ENTREP2: variants seen among roughly 807,000 people sequenced by gnomAD.
The protein encoded by ENTREP2 is endosomal transmembrane epsin interactor 2.
At chr15:29,493,591 A>C in the ENTREP2 span, among the ~76,000 whole-genome samples, 2 of 108,762 alleles carry the variant, frequency 1.8e-5, no homozygotes, top group African/African-American at 5.0e-5. Flanking sequence ...CACTCCAGCC[A>C]GTGTGCAGAG....
At chr15:29,150,638 G>C in the ENTREP2 span, among the ~76,000 whole-genome samples, 21 of 152,172 alleles carry the variant, frequency 1.4e-4, no homozygotes, top group Admixed American at 2.6e-4. Context: ...GGGCAGCCTG[G>C]CTGTGACAGC....
At chr15:29,326,038 A>T in the ENTREP2 span, among the ~76,000 whole-genome samples, 1 of 152,150 alleles carries the variant, frequency 6.6e-6, no homozygotes, top group Non-Finnish European at 1.5e-5. Flanking sequence ...TCTAACACTC[A>T]TTTATGAAAG....
At chr15:29,227,377 T>C in the ENTREP2 span, among the ~76,000 whole-genome samples, 2 of 152,034 alleles carry the variant, frequency 1.3e-5, no homozygotes, top group African/African-American at 4.8e-5. Flanking sequence ...CTGTGCCCTG[T>C]GTTTGCAGGC....
At chr15:29,179,709 T>C in the ENTREP2 span, among the ~76,000 whole-genome samples, 2 of 151,302 alleles carry the variant, frequency 1.3e-5, no homozygotes. Flanking sequence ...GCCTCCCGAG[T>C]AGCTGGGACT....
chr15:29,196,435 A>G, the ENTREP2 span: 5 of 1,551,272 alleles, frequency 3.2e-6, no homozygotes, highest in African/African-American at 5.5e-5. Flanking sequence ...GTCACCTTCA[A>G]GGTCAGCCTC....
the ENTREP2 span, chr15:29,196,797 C>T: frequency 2.2e-6 from 1 of 444,862 alleles, no homozygotes; most frequent in Non-Finnish European, 4.0e-6. Context: ...TTTGAAGAAA[C>T]TTAAGCTATA....
At chr15:29,184,598 C>T in the ENTREP2 span, among the ~76,000 whole-genome samples, 1 of 150,068 alleles carries the variant, frequency 6.7e-6, no homozygotes, top group Non-Finnish European at 1.5e-5. Flanking sequence ...TCATGAAGTC[C>T]GCCTCATGGA....
chr15:29,121,626 C>G, the ENTREP2 span: 1 of 152,216 alleles, frequency 6.6e-6, no homozygotes, highest in Non-Finnish European at 1.5e-5. Flanking sequence ...AAAGCCCCCA[C>G]TTGAGGAAAA....
the ENTREP2 span, among the ~76,000 whole-genome samples, chr15:29,535,202 A>T: frequency 6.6e-6 from 1 of 151,648 alleles, no homozygotes; most frequent in Non-Finnish European, 1.5e-5. Flanking sequence ...GTGGGCTATG[A>T]CTGTGCCGTT....
the ENTREP2 span, among the ~76,000 whole-genome samples, chr15:29,271,854 G>A: frequency 2.1e-3 from 324 of 152,214 alleles, 2 homozygotes; most frequent in African/African-American, 7.2e-3. Context: ...TCTGCGGCTC[G>A]TCCTGCTACA....
the ENTREP2 span, among the ~76,000 whole-genome samples, chr15:29,444,220 AAGAAAGAAAGAAAGAAAG>A: frequency 1.3e-5 from 2 of 150,876 alleles, no homozygotes; most frequent in South Asian, 2.1e-4. Context: ...GAAAGAAAGA[AAGAAAGAAAGAAAGAAAG>A]AAAGAAAGAA....
the ENTREP2 span, among the ~76,000 whole-genome samples, chr15:29,531,179 A>T: frequency 1.3e-5 from 2 of 152,194 alleles, no homozygotes; most frequent in Admixed American, 6.5e-5. Flanking sequence ...TGACTTTGCA[A>T]ATCCTTTATG....
the ENTREP2 span, among the ~76,000 whole-genome samples, chr15:29,652,937 C>T: frequency 3.0e-4 from 46 of 152,256 alleles, 1 homozygote; most frequent in African/African-American, 1.0e-3. Flanking sequence ...GACAAAGGCA[C>T]CACCAACCAC....
chr15:29,298,832 T>C, the ENTREP2 span, among the ~76,000 whole-genome samples: 1 of 151,968 alleles, frequency 6.6e-6, no homozygotes, highest in Non-Finnish European at 1.5e-5. Flanking sequence ...TTCCAGAAAA[T>C]AGAAAAAGAA....
chr15:29,656,677 G>A, the ENTREP2 span, among the ~76,000 whole-genome samples: 1 of 152,172 alleles, frequency 6.6e-6, no homozygotes, highest in Non-Finnish European at 1.5e-5. Context: ...GTATTAAAAT[G>A]GCTAAAAACC....
the ENTREP2 span, among the ~76,000 whole-genome samples, chr15:29,437,446 G>A: frequency 6.6e-6 from 1 of 152,092 alleles, no homozygotes; most frequent in Admixed American, 6.6e-5. Flanking sequence ...CTATTAATTG[G>A]CCTGTTTTAA....
chr15:29,243,274 G>A, the ENTREP2 span, among the ~76,000 whole-genome samples: 1 of 152,180 alleles, frequency 6.6e-6, no homozygotes, highest in African/African-American at 2.4e-5. Context: ...AAATTTTAGT[G>A]GATTGTAAAA....
At chr15:29,241,845 C>A in the ENTREP2 span, among the ~76,000 whole-genome samples, 2 of 145,400 alleles carry the variant, frequency 1.4e-5, no homozygotes, top group Admixed American at 1.4e-4. Flanking sequence ...CTAGCCTATG[C>A]AATACAGTGA....
the ENTREP2 span, among the ~76,000 whole-genome samples, chr15:29,585,103 T>G: frequency 6.6e-6 from 1 of 152,166 alleles, no homozygotes; most frequent in African/African-American, 2.4e-5. Flanking sequence ...TATGTTGCAT[T>G]CCTCTTATAT....
Sources: allele counts gnomAD v4.1 joint callset (sites outside exome capture counted in the v4.1 genomes callset), GRCh38; gene constraint gnomAD v4.1.1; transcripts MANE v1.5; gene names NCBI Gene and HGNC (gene_info 2026-07-23, HGNC 2026-07-21).